QRICH2: variants seen among roughly 807,000 people sequenced by gnomAD.
QRICH2 encodes the protein glutamine-rich protein 2.
Under a neutral mutation model 168.3 loss-of-function variants are expected in QRICH2, and 119 were observed. That is an observed-to-expected ratio of 0.71 (90% CI 0.61 to 0.82). QRICH2 has a LOEUF of 0.82. QRICH2 is among the 40% of genes least tolerant of loss of function. The pLI is 0.00. For synonymous variants in QRICH2, 894 were observed against 951.2 expected (o/e 0.94, Z 1.11); for missense variants, 2,241 against 2,491.6 (o/e 0.90, Z 2.14).
At position 76,275,892 on chromosome 17, in the gene QRICH2, C is replaced by G. The variant is rs372521868; in HGVS notation, c.5409G>C (p.Pro1803=). The G allele has an allele frequency of 8.1e-6, 13 of 1,608,868 alleles. No individual in the cohort carries two copies. The African/African-American group carries it at 1.7e-4, about 21-fold the overall frequency. Residue 1803 remains proline (P), a synonymous_variant, in exon 18 of 19, where the codon CCG becomes CCC. Transcript: ENST00000680821. ...GCTGGCCATTGCTGCTGAGGGATGG[C>G]GGCCTGTGCACGTGGGGCCTGGGCT... is the stretch of plus-strand genomic sequence containing the variant. ...SQQPRPHVHR[P]PSLSSNGQLP...
At chr17:76,294,507 T>C (rs1231633146) in intron 3 of QRICH2, among the ~76,000 whole-genome samples, 1 of 152,052 alleles carries the variant, frequency 6.6e-6, no homozygotes, top group South Asian at 2.1e-4. Context: ...GAAAATGGCA[T>C]GTACAAAAAT....
In QRICH2 at chr17:76,292,977, C is replaced by G; in HGVS notation, c.1750G>C (p.Gly584Arg). 5 of 1,614,206 alleles carry G rather than the reference C, an allele frequency of 3.1e-6. No individual in the cohort carries two copies. Among genetic ancestry groups the G allele is most frequent in the Non-Finnish European group, 4.2e-6 (5 of 1,180,040 alleles). ...GRFQRALVQR[G>R]AYQPGLVQPG... ...TGGACCAAGCCAGGCTGATATGCAC[C>G]ACGCTGCACCAAAGCACGCTGAAAT... The change falls in exon 4 of 19, where the codon GGT (glycine) becomes CGT (arginine). Residue 584 changes from glycine to arginine, a missense_variant. Gly to Arg is a moderately radical substitution (Grantham distance 125, BLOSUM62 -2). Transcript: ENST00000680821.
At chr17:76,304,176 G>A (rs2143397689) in intron 3 of QRICH2, among the ~76,000 whole-genome samples, 1 of 152,298 alleles carries the variant, frequency 6.6e-6, no homozygotes, top group Non-Finnish European at 1.5e-5. Flanking sequence ...CAGCAGCCAT[G>A]GAAGGCAATT....
In QRICH2 at chr17:76,304,331, G is replaced by GAAC. The variant is rs2070954431; in HGVS notation, c.705+81_705+83dup. ...AACTTGCGAACTATGAATATCCATA[G>GAAC]AACAGAATCCTGTGCAGCTGTACAA... On this transcript the variant is annotated intron_variant, in intron 3 of 18. Transcript: ENST00000680821. 11 of 830,780 alleles carry GAAC rather than the reference G, an allele frequency of 1.3e-5. No homozygotes were observed. In the East Asian group the frequency reaches 2.8e-4, roughly 21 times the overall value. 51.5% of individuals were successfully genotyped at this position (830,780 alleles called of 1,614,324 possible). A position where few individuals can be genotyped will look rare whatever the true frequency, so the allele number is the denominator to read the frequency against.
chr17:76,282,214 G>C, intron 7 of QRICH2, 99 bp from the exon 8 acceptor site: 1 of 1,432,778 alleles, frequency 7.0e-7, no homozygotes, highest in Non-Finnish European at 9.3e-7. Flanking sequence ...CCTCTCCCCT[G>C]TCGTGCCCTG....
chr17:76,286,403 G>A (rs897715518), intron 7 of QRICH2, among the ~76,000 whole-genome samples: 22 of 152,184 alleles, frequency 1.4e-4, no homozygotes, highest in Admixed American at 8.5e-4. Context: ...ATACAAAAGT[G>A]TATGTTGCAT....
At chr17:76,286,389 C>G (rs1472509370) in intron 7 of QRICH2, among the ~76,000 whole-genome samples, 1 of 152,076 alleles carries the variant, frequency 6.6e-6, no homozygotes, top group Admixed American at 6.6e-5. Context: ...GTGAAAGAAG[C>G]CAGATACAAA....
In QRICH2 at chr17:76,308,020, G is replaced by A; in HGVS notation, c.-22C>T. ...GCATCGTGGCTGTCAGGAGCTGTGC[G>A]CCGCCGCGGGGCGCCGGCCAACCAC... On this transcript the variant is annotated 5_prime_UTR_variant, in exon 1 of 19. Transcript: ENST00000680821. 1 of 1,232,016 alleles carries A rather than the reference G, an allele frequency of 8.1e-7. No homozygotes were observed. The allele number at this position is 1,232,016 out of a possible 1,614,324, so 76.3% of individuals were successfully genotyped here. A position where few individuals can be genotyped will look rare whatever the true frequency, so the allele number is the denominator to read the frequency against.
upstream of QRICH2, chr17:76,310,759 C>T (rs1246539227): frequency 6.6e-6 from 1 of 151,576 alleles, no homozygotes; most frequent in Non-Finnish European, 1.5e-5. Flanking sequence ...TGTGAGCCAC[C>T]ACACCTAGAC....
chr17:76,308,310 C>T, upstream of QRICH2: 4 of 985,456 alleles, frequency 4.1e-6, no homozygotes, highest in South Asian at 4.7e-5. Context: ...CCTGAAGATT[C>T]CACGTAACAA....
Position 76,279,083 on chromosome 17 carries a change from T to C in QRICH2, c.4874A>G (p.Tyr1625Cys). Reference protein sequence around the residue: ...GLPGHHSIRPYTVFELEQVRQ... With the variant: ...GLPGHHSIRPCTVFELEQVRQ... Reference sequence around the variant, plus strand: ...GACCTGCTCCAGTTCAAACACCGTGTAGGGGCGGATGGAATGGTGCCCAGG... The same window carrying C: ...GACCTGCTCCAGTTCAAACACCGTGCAGGGGCGGATGGAATGGTGCCCAGG... The change falls in exon 14 of 19, where the codon TAC (tyrosine) becomes TGC (cysteine). Residue 1625 changes from tyrosine to cysteine, a missense_variant. Coordinates refer to ENST00000680821, the MANE Select transcript of QRICH2 (RefSeq NM_001388453.1). 3 of 1,613,954 alleles carry C rather than the reference T, an allele frequency of 1.9e-6. No individual in the cohort carries two copies. The highest frequency in any genetic ancestry group is 2.5e-6 in the Non-Finnish European group (3 of 1,179,998).
In QRICH2 at chr17:76,280,331, A is replaced by AG. The variant is rs753724399; in HGVS notation, c.4581dup (p.Trp1528LeufsTer68). ...AGCAGCCTGTCCAGCATCTTCTGCC[A>AG]GTCCTGCTCCTGCCCGCTCATCTTG... is the stretch of plus-strand genomic sequence containing the variant. On this transcript the variant is annotated frameshift_variant, in exon 11 of 19. Transcript: ENST00000680821. LOFTEE classifies it high-confidence loss of function. This position sits in a 1 kb window ranked among gnomAD's most constrained non-coding sequence, Gnocchi z 7.4. The AG allele has an allele frequency of 6.2e-7, 1 of 1,614,200 alleles. No individual in the cohort carries two copies. The highest frequency in any genetic ancestry group is 8.5e-7 in the Non-Finnish European group (1 of 1,180,024).
At chr17:76,276,851 AC>A in intron 16 of QRICH2, 84 bp from the exon 17 acceptor site, 1 of 1,113,630 alleles carries the variant, frequency 9.0e-7, no homozygotes, top group Admixed American at 1.9e-5. Flanking sequence ...GGCACAGAGC[AC>A]TGTGGTCTCA....
chr17:76,292,771 T>C lies in QRICH2; in HGVS notation c.1956A>G (p.Gln652=), dbSNP rs2143308454. ...QPGTGQHDLV[Q]SGTGQGVLVQ... ...CCAAGACACCCTGACCTGTGCCAGA[T>C]TGGACCAAATCATGCTGACCTGTGC... The change falls in exon 4 of 19, where the codon CAA becomes CAG. Residue 652 remains glutamine, a synonymous_variant. Coordinates refer to ENST00000680821, the MANE Select transcript of QRICH2 (RefSeq NM_001388453.1). 6.2e-7 allele frequency: 1 copy of C among 1,612,244 alleles called. No individual in the cohort carries two copies.
Position 76,292,231 on chromosome 17 carries a change from A to G in QRICH2, c.2496T>C (p.Val832=), listed in dbSNP as rs6501875. 3,883 of 1,544,764 alleles carry G rather than the reference A, an allele frequency of 2.5e-3. 123 individuals are homozygous for G. In the Admixed American group the frequency reaches 0.058, roughly 23 times the overall value. Residue 832 remains valine, a synonymous_variant, in exon 4 of 19, where the codon GTT becomes GTC. Transcript: ENST00000680821. ...VQPGVDQRGL[V]QPGAVQRGLV... The stretch of plus-strand genomic sequence containing the variant: ...AACCACGCTGAACTGCACCAGGTTG[A>G]ACCAAACCACGCTGATCCACTCCAG...
chr17:76,298,310 C>T (rs536668718), intron 3 of QRICH2, among the ~76,000 whole-genome samples: 2 of 150,010 alleles, frequency 1.3e-5, no homozygotes, highest in Admixed American at 1.3e-4. Flanking sequence ...TCCCGAGTAG[C>T]TGGGACTACA....
rs2070791648 is a variant in QRICH2 at position 76,281,781 on chromosome 17, A to C, written c.4263+83T>G. 2 of 1,549,300 alleles carry C rather than the reference A, an allele frequency of 1.3e-6. No individual in the cohort carries two copies. Among genetic ancestry groups the C allele is most frequent in the East Asian group, 4.5e-5 (2 of 44,120 alleles). ...ACCTTGAGGCCCAAACACCCGCCCC[A>C]CTTCTGTGGGTCTGCAGCAGGGTGG... On this transcript the variant is annotated intron_variant, in intron 8 of 18. Transcript: ENST00000680821. This position sits in a 1 kb window ranked among gnomAD's most constrained non-coding sequence, Gnocchi z 4.4.
intron 15 of QRICH2, 140 bp downstream of exon 15, chr17:76,277,849 G>T (rs904675953): frequency 3.5e-6 from 3 of 859,068 alleles, no homozygotes; most frequent in Admixed American, 4.3e-5. Flanking sequence ...AACACCCCTC[G>T]CCCACACTTT....
Position 76,286,622 on chromosome 17 carries a change from G to A in QRICH2, c.4011+570C>T, listed in dbSNP as rs529133138. Among the ~76,000 whole-genome samples, 37 of 152,198 alleles carry A rather than the reference G, an allele frequency of 2.4e-4. 1 individual carries two copies. In the East Asian group the frequency reaches 5.6e-3, roughly 23 times the overall value. ...AAAAACTACCTTATTCAATTTAAAA[G>A]GGTGAATTCATTGATATATGATTAT... On this transcript the variant is annotated intron_variant, in intron 7 of 18. Transcript: ENST00000680821.
Sources: allele counts gnomAD v4.1 joint callset (sites outside exome capture counted in the v4.1 genomes callset), GRCh38; gene constraint gnomAD v4.1.1; non-coding constraint Gnocchi (gnomAD v3.1); transcripts MANE v1.5; gene names NCBI Gene and HGNC (gene_info 2026-07-23, HGNC 2026-07-21).